The following SH3GL2 variants were observed in gnomAD, a reference collection of about 807,000 sequenced individuals.
SH3GL2 encodes endophilin-A1.
In SH3GL2, 24 loss-of-function variants were observed where a neutral mutation model predicts 46.0. The observed-to-expected ratio is 0.52, with a 90% CI of 0.38 to 0.73. SH3GL2 has a LOEUF of 0.73. SH3GL2 is among the 30% of genes least tolerant of loss of function. SH3GL2 has a pLI of 0.00. For synonymous variants in SH3GL2, 196 were observed against 147.1 expected (o/e 1.33, Z -2.40); for missense variants, 413 against 424.2 (o/e 0.97, Z 0.23).
At chr9:17,676,460 G>C (rs1820612666) in intron 1 of SH3GL2, among the ~76,000 whole-genome samples, 1 of 152,044 alleles carries the variant, frequency 6.6e-6, no homozygotes, top group South Asian at 2.1e-4. Flanking sequence ...ACTAAAATTA[G>C]CTGGGCATGG....
intron 1 of SH3GL2, among the ~76,000 whole-genome samples, chr9:17,694,804 C>G (rs762138185): frequency 9.2e-5 from 14 of 152,096 alleles, no homozygotes; most frequent in Non-Finnish European, 1.6e-4. Flanking sequence ...AGTTAAATGT[C>G]AAACTTCACA....
intron 5 of SH3GL2, among the ~76,000 whole-genome samples, chr9:17,788,355 G>C (rs550707532): frequency 6.6e-6 from 1 of 152,094 alleles, no homozygotes; most frequent in African/African-American, 2.4e-5. Flanking sequence ...TGAGCATTTA[G>C]TTTTTGGATC....
At chr9:17,690,219 T>C (rs1035233188) in intron 1 of SH3GL2, among the ~76,000 whole-genome samples, 1 of 152,146 alleles carries the variant, frequency 6.6e-6, no homozygotes, top group Non-Finnish European at 1.5e-5. Flanking sequence ...AAGTGACTGC[T>C]CAGTAGCGTT....
chr9:17,627,845 AT>A (rs1819318025), intron 1 of SH3GL2, among the ~76,000 whole-genome samples: 1 of 152,070 alleles, frequency 6.6e-6, no homozygotes, highest in Non-Finnish European at 1.5e-5. Flanking sequence ...AACCATGGGG[AT>A]TGTTTATTTT....
intron 1 of SH3GL2, among the ~76,000 whole-genome samples, chr9:17,684,521 A>C (rs1169035931): frequency 1.3e-5 from 2 of 152,146 alleles, no homozygotes; most frequent in African/African-American, 2.4e-5. Flanking sequence ...GTGAGTCAAT[A>C]GTGTGGTATA....
At chr9:17,752,215 T>C (rs1055553967) in intron 2 of SH3GL2, among the ~76,000 whole-genome samples, 1 of 152,180 alleles carries the variant, frequency 6.6e-6, no homozygotes, top group Admixed American at 6.5e-5. Flanking sequence ...CTCTTGGACC[T>C]GCCTGTATCT....
At chr9:17,795,453 A>G in intron 8 of SH3GL2, 91 bp from the exon 9 acceptor site, 1 of 967,526 alleles carries the variant, frequency 1.0e-6, no homozygotes, top group Non-Finnish European at 1.6e-6. Context: ...GGGAGCAGCA[A>G]GCCAGGTGGG....
chr9:17,659,394 T>G (rs920486363), intron 1 of SH3GL2, among the ~76,000 whole-genome samples: 1 of 152,168 alleles, frequency 6.6e-6, no homozygotes, highest in Non-Finnish European at 1.5e-5. Flanking sequence ...GCTCATTCTA[T>G]GAGCCAGTGT....
intron 1 of SH3GL2, among the ~76,000 whole-genome samples, chr9:17,697,691 A>G (rs1003517704): frequency 2.0e-5 from 3 of 152,188 alleles, no homozygotes; most frequent in Non-Finnish European, 4.4e-5. Flanking sequence ...CACTGAAACC[A>G]TATCATTGCC....
At chr9:17,739,490 AT>A (rs1197984231) in intron 1 of SH3GL2, among the ~76,000 whole-genome samples, 2 of 152,078 alleles carry the variant, frequency 1.3e-5, no homozygotes, top group Non-Finnish European at 2.9e-5. Flanking sequence ...AATGTATAAA[AT>A]TTTTTCCTAT....
chr9:17,683,573 A>T lies in SH3GL2; in HGVS notation c.46-63493A>T, dbSNP rs182989881. On this transcript the variant is annotated intron_variant, in intron 1 of 8. Coordinates refer to ENST00000380607, the MANE Select transcript of SH3GL2 (RefSeq NM_003026.5). ...CTAACATTGTGGGAGGAGGTAGATC[A>T]CTTGGAACGTCCTACCCCTATACCC... Among the ~76,000 whole-genome samples the T allele has an allele frequency of 3.2e-4, 49 of 152,184 alleles. No homozygotes were observed. The East Asian group carries it at 8.3e-3, about 26-fold the overall frequency.
Position 17,656,770 on chromosome 9 carries a change from C to CAAAAAAAAAA in SH3GL2, c.45+77491_45+77500dup, listed in dbSNP as rs36079244. 7.9e-5 allele frequency among the ~76,000 whole-genome samples: 8 copies of CAAAAAAAAAA among 101,536 alleles called. 2 individuals carry two copies. Among genetic ancestry groups the CAAAAAAAAAA allele is most frequent in the Non-Finnish European group, 9.4e-5 (5 of 52,992 alleles). 66.6% of individuals were successfully genotyped at this position (101,536 alleles called of 152,430 possible). A position where few individuals can be genotyped will look rare whatever the true frequency, so the allele number is the denominator to read the frequency against. ...TGGGCGACAGAGTGAGACTACATCT[C>CAAAAAAAAAA]AAAAAAAAAAAAAAAAACAAAAAAG... On this transcript the variant is annotated intron_variant, in intron 1 of 8. Transcript: ENST00000380607.
At chr9:17,659,072 T>A (rs57984248) in intron 1 of SH3GL2, among the ~76,000 whole-genome samples, 1 of 152,336 alleles carries the variant, frequency 6.6e-6, no homozygotes, top group African/African-American at 2.4e-5. Context: ...TTGCTAGTGG[T>A]ACTTCCTAGG....
Position 17,582,869 on chromosome 9 carries a change from C to A in SH3GL2, c.45+3582C>A, listed in dbSNP as rs1588155013. Among the ~76,000 whole-genome samples, 3 of 152,144 alleles carry A rather than the reference C, an allele frequency of 2.0e-5. No individual in the cohort carries two copies. In the East Asian group the frequency reaches 5.8e-4, roughly 29 times the overall value. On this transcript the variant is annotated intron_variant, in intron 1 of 8. Coordinates refer to ENST00000380607, the MANE Select transcript of SH3GL2 (RefSeq NM_003026.5). ...GCTTCCTTGGCTTGTAGATACATCACCTTGGTCTCTGCCTTCATGCTCACA... is the reference window on the plus strand; with the variant it reads ...GCTTCCTTGGCTTGTAGATACATCAACTTGGTCTCTGCCTTCATGCTCACA...
At chr9:17,674,521 C>T (rs924391378) in intron 1 of SH3GL2, among the ~76,000 whole-genome samples, 10 of 152,146 alleles carry the variant, frequency 6.6e-5, no homozygotes, top group Non-Finnish European at 4.4e-5. Context: ...CCACCTTGGC[C>T]TCCCAAAGTG....
intron 1 of SH3GL2, among the ~76,000 whole-genome samples, chr9:17,746,094 T>G (rs1261666367): frequency 6.6e-6 from 1 of 152,238 alleles, no homozygotes; most frequent in African/African-American, 2.4e-5. Flanking sequence ...TTTTATTTTT[T>G]GAGACAGAGT....
At chr9:17,704,033 T>A (rs1170554381) in intron 1 of SH3GL2, among the ~76,000 whole-genome samples, 2 of 152,074 alleles carry the variant, frequency 1.3e-5, no homozygotes, top group East Asian at 3.9e-4. Flanking sequence ...GTTCTATACC[T>A]AGAAAATCCC....
intron 1 of SH3GL2, 96 bp downstream of exon 1, chr9:17,579,383 G>A: frequency 1.4e-6 from 1 of 699,406 alleles, no homozygotes; most frequent in Non-Finnish European, 2.0e-6. Flanking sequence ...TGGGGAGTTC[G>A]GCACCGAGCC....
At chr9:17,718,899 C>T (rs919689723) in intron 1 of SH3GL2, among the ~76,000 whole-genome samples, 19 of 152,052 alleles carry the variant, frequency 1.2e-4, no homozygotes, top group Admixed American at 2.6e-4. Flanking sequence ...TAAGGAGAAT[C>T]GATTTTCCTT....
Sources: allele counts gnomAD v4.1 joint callset (sites outside exome capture counted in the v4.1 genomes callset), GRCh38; gene constraint gnomAD v4.1.1; transcripts MANE v1.5; gene names NCBI Gene and HGNC (gene_info 2026-07-23, HGNC 2026-07-21).